Variants in SVOP observed in about 807,000 individuals in gnomAD.
SVOP encodes the protein SV2 related protein.
SVOP carries 17 observed loss-of-function variants against 69.1 expected under a neutral mutation model. That is an observed-to-expected ratio of 0.25 (90% CI 0.17 to 0.37). SVOP has a LOEUF of 0.37. Ranked by LOEUF, SVOP falls within the 10% of genes least tolerant of loss-of-function variation. The pLI is 1.00. For missense variants in SVOP, 435 were observed against 597.5 expected (o/e 0.73, Z 2.84); for synonymous variants, 238 against 238.6 (o/e 1.00, Z 0.02).
intron 1 of SVOP, among the ~76,000 whole-genome samples, chr12:109,015,379 G>A (rs1566069905): frequency 6.6e-6 from 1 of 152,202 alleles, no homozygotes; most frequent in Admixed American, 6.5e-5. Context: ...AAGGGCAGGA[G>A]CGGGAAAACC....
chr12:108,990,213 C>T (rs947898913), intron 1 of SVOP, among the ~76,000 whole-genome samples: 1 of 152,224 alleles, frequency 6.6e-6, no homozygotes, highest in African/African-American at 2.4e-5. Flanking sequence ...TGGAAAACAG[C>T]GTGTGTTCTG....
intron 1 of SVOP, 85 bp from the exon 2 acceptor site, chr12:108,983,846 G>A (rs2040154547): frequency 2.5e-6 from 1 of 398,510 alleles, no homozygotes; most frequent in Non-Finnish European, 4.4e-6. Flanking sequence ...CAGGACAGGT[G>A]AAAGACTTCT....
intron 1 of SVOP, among the ~76,000 whole-genome samples, chr12:109,015,937 G>A (rs907884989): frequency 3.3e-5 from 5 of 152,086 alleles, no homozygotes; most frequent in African/African-American, 7.2e-5. Flanking sequence ...GAGGACGGAC[G>A]AAGAGTTCAA....
rs1047295264 is a variant in SVOP, at chr12:108,909,910, T to C, written c.*2625A>G. On this transcript the variant is annotated 3_prime_UTR_variant, in exon 16 of 16. Coordinates refer to ENST00000610966, the MANE Select transcript of SVOP (RefSeq NM_018711.5). Reference sequence around the variant, plus strand: ...ATAGCTCTTGTATCATTTGATAATATTGATTTTTTTGAAAAAGGCAGGCTA... The same window carrying C: ...ATAGCTCTTGTATCATTTGATAATACTGATTTTTTTGAAAAAGGCAGGCTA... The C allele has an allele frequency of 6.6e-6, 1 of 152,268 alleles. No homozygotes were observed. The highest frequency in any genetic ancestry group is 1.5e-5 in the Non-Finnish European group (1 of 68,088). The allele number at this position is 152,268 out of a possible 1,614,324, so 9.4% of individuals were successfully genotyped here.
At chr12:108,958,876 C>T (rs961750501) in intron 6 of SVOP, among the ~76,000 whole-genome samples, 42 of 152,108 alleles carry the variant, frequency 2.8e-4, no homozygotes, top group African/African-American at 9.7e-4. Context: ...GCCACCTCTG[C>T]TTCTGAAACC....
intron 6 of SVOP, among the ~76,000 whole-genome samples, chr12:108,946,618 A>G (rs181679106): frequency 4.0e-5 from 6 of 151,284 alleles, no homozygotes; most frequent in Admixed American, 2.0e-4. Flanking sequence ...CTTATCTTCT[A>G]TCTATCTATC....
rs1379686308 is a variant in SVOP, at chr12:108,972,495, T to C, written c.382-19A>G. The stretch of plus-strand genomic sequence containing the variant: ...AGACCACCTGTGGGGGGAAAGACAG[T>C]TGTCATTAGACAGAGGATGTGGATC... On this transcript the variant is annotated intron_variant, in intron 4 of 15. Coordinates refer to ENST00000610966, the MANE Select transcript of SVOP (RefSeq NM_018711.5). The C allele has an allele frequency of 2.0e-6, 3 of 1,536,844 alleles. No homozygotes were observed. Among genetic ancestry groups the C allele is most frequent in the African/African-American group, 2.7e-5 (2 of 73,152 alleles).
At chr12:108,944,731 A>G (rs757996749) in intron 7 of SVOP, among the ~76,000 whole-genome samples, 13 of 151,956 alleles carry the variant, frequency 8.6e-5, no homozygotes, top group Non-Finnish European at 1.8e-4. Flanking sequence ...GAAATTCTTG[A>G]CCAAAAAGAC....
chr12:108,980,048 C>T (rs1209073333), intron 2 of SVOP, among the ~76,000 whole-genome samples: 7 of 152,034 alleles, frequency 4.6e-5, no homozygotes, highest in East Asian at 3.9e-4. Flanking sequence ...TTGTGGCTCA[C>T]GCCTATGGTC....
chr12:108,941,426 A>G (rs974194564), intron 7 of SVOP, among the ~76,000 whole-genome samples: 3 of 152,112 alleles, frequency 2.0e-5, no homozygotes, highest in African/African-American at 7.2e-5. Context: ...GGGTTTCACT[A>G]TGTTTCCCAG....
intron 8 of SVOP, 134 bp downstream of exon 8, chr12:108,940,650 G>T: frequency 1.5e-6 from 2 of 1,339,506 alleles, no homozygotes; most frequent in Non-Finnish European, 2.0e-6. Context: ...TAGCTCCCTT[G>T]TCTCATTTCC....
chr12:108,937,265 A>G lies in SVOP; in HGVS notation c.970T>C (p.Trp324Arg). The stretch of plus-strand genomic sequence containing the variant: ...AAGTGGTCAACAAACAGCTCTTACC[A>G]TATAAACCACAGCAGCAAAGTTGTC... Reference protein sequence around the residue: ...RWTTLLLWFIWFSNAFSYYGL... With the variant: ...RWTTLLLWFIRFSNAFSYYGL... Residue 324 changes from tryptophan to arginine, a missense_variant and splice_region_variant, in exon 10 of 16, where the codon TGG becomes CGG. Physicochemically the swap from Trp to Arg is moderately radical, Grantham distance 101. Coordinates refer to ENST00000610966, the MANE Select transcript of SVOP (RefSeq NM_018711.5). 6.2e-7 allele frequency: 1 copy of G among 1,614,010 alleles called. No homozygotes were observed. Among genetic ancestry groups the G allele is most frequent in the Non-Finnish European group, 8.5e-7 (1 of 1,179,860 alleles).
At chr12:109,018,269 T>C (rs895617869) in intron 1 of SVOP, among the ~76,000 whole-genome samples, 5 of 152,196 alleles carry the variant, frequency 3.3e-5, no homozygotes, top group Non-Finnish European at 7.3e-5. Context: ...AAATCTCCTC[T>C]ATGTGGTGCT....
intron 6 of SVOP, among the ~76,000 whole-genome samples, chr12:108,946,687 GTTTTTATTATTA>G (rs2039925017): frequency 1.6e-5 from 2 of 126,820 alleles, no homozygotes; most frequent in East Asian, 2.3e-4. Context: ...GTTGCAACCT[GTTTTTATTATTA>G]TTATTATTAT....
chr12:108,945,075 T>C (rs1417906211), intron 7 of SVOP, 28 bp downstream of exon 7: 1 of 1,536,198 alleles, frequency 6.5e-7, no homozygotes, highest in East Asian at 2.4e-5. Flanking sequence ...CCACATGCTC[T>C]AGAGACCCAG....
intron 6 of SVOP, among the ~76,000 whole-genome samples, chr12:108,956,170 C>T (rs904560018): frequency 4.6e-5 from 7 of 151,964 alleles, no homozygotes; most frequent in Admixed American, 2.6e-4. Context: ...GGCGTGGTGT[C>T]AGGCGCCTGT....
intron 1 of SVOP, among the ~76,000 whole-genome samples, chr12:109,009,475 A>C (rs1169309073): frequency 6.6e-6 from 1 of 151,768 alleles, no homozygotes; most frequent in Non-Finnish European, 1.5e-5. Flanking sequence ...GAGAGATCTG[A>C]AGATGCTGTA....
chr12:108,956,418 T>TG (rs1278531113), intron 6 of SVOP, among the ~76,000 whole-genome samples: 1 of 150,902 alleles, frequency 6.6e-6, no homozygotes, highest in African/African-American at 2.4e-5. Context: ...CCTGAGGGGG[T>TG]GGGCGCTCTA....
At position 108,961,033 on chromosome 12, in the gene SVOP, G is replaced by A. The variant is rs562153623; in HGVS notation, c.468C>T (p.Ser156=). The A allele has an allele frequency of 1.4e-5, 22 of 1,535,822 alleles. No homozygotes were observed. Among genetic ancestry groups the A allele is most frequent in the South Asian group, 1.4e-4 (12 of 83,910 alleles). The change falls in exon 6 of 16, where the codon AGC becomes AGT. Residue 156 remains serine, a synonymous_variant. Transcript: ENST00000610966. ...TGCCATAGTACAGAGTCCACAGCACGCTGATCTTCAGCCCCTGAAGAGAAG... is the reference window on the plus strand; with the variant it reads ...TGCCATAGTACAGAGTCCACAGCACACTGATCTTCAGCCCCTGAAGAGAAG... ...QYGRKTGLKI[S]VLWTLYYGIL...
Sources: allele counts gnomAD v4.1 joint callset (sites outside exome capture counted in the v4.1 genomes callset), GRCh38; gene constraint gnomAD v4.1.1; transcripts MANE v1.5; gene names NCBI Gene and HGNC (gene_info 2026-07-23, HGNC 2026-07-21).